The following S100PBP variants were observed in gnomAD, a reference collection of about 807,000 sequenced individuals.
S100PBP encodes S100P binding protein, also known as S100P-binding protein.
S100PBP carries 15 observed loss-of-function variants against 39.9 expected under a neutral mutation model. That is an observed-to-expected ratio of 0.38 (90% CI 0.25 to 0.58). The LOEUF (loss-of-function observed/expected upper bound fraction) is 0.58. Among genes scored for constraint, S100PBP ranks in the 20% least tolerant of loss-of-function variants. The pLI is 0.70. For missense variants in S100PBP, 504 were observed against 487.3 expected, an observed-to-expected ratio of 1.03 and a Z score of -0.32; for synonymous variants, 178 against 180.3, an observed-to-expected ratio of 0.99 and a Z score of 0.10.
intron 5 of S100PBP, among the ~76,000 whole-genome samples, chr1:32,841,893 T>C (rs564427769): frequency 9.7e-4 from 147 of 151,526 alleles, no homozygotes; most frequent in Non-Finnish European, 1.7e-3. Flanking sequence ...TTAAAATTTA[T>C]TCTGTATGTA....
At chr1:32,839,548 C>CA (rs1304843010) in intron 5 of S100PBP, among the ~76,000 whole-genome samples, 2 of 152,110 alleles carry the variant, frequency 1.3e-5, no homozygotes, top group Non-Finnish European at 2.9e-5. Context: ...TTATTTTTGA[C>CA]ATGGAGTCTA....
rs1329283249 is a variant in S100PBP, at chr1:32,857,574, G to A, written c.*1536G>A. ...GATCTGCCCACCTCGGCCTCCTAAA[G>A]TGCTGGGATTACAGGCATGAGCCAC... On this transcript the variant is annotated 3_prime_UTR_variant, in exon 7 of 7. Transcript: ENST00000373475. 6.6e-6 allele frequency: 1 copy of A among 152,282 alleles called. No homozygotes were observed. Among genetic ancestry groups the A allele is most frequent in the Non-Finnish European group, 1.5e-5 (1 of 68,144 alleles). The allele number at this position is 152,282 out of a possible 1,614,324, so 9.4% of individuals were successfully genotyped here. A position where few individuals can be genotyped will look rare whatever the true frequency, so the allele number is the denominator to read the frequency against.
At chr1:32,836,538 C>T in intron 5 of S100PBP, 1 of 981,616 alleles carries the variant, frequency 1.0e-6, no homozygotes, top group Non-Finnish European at 1.2e-6. Flanking sequence ...ACTGAAAAGC[C>T]AAGTAGTATA....
intron 5 of S100PBP, chr1:32,835,692 A>C (rs1281972223): frequency 6.6e-6 from 1 of 152,088 alleles, no homozygotes; most frequent in Non-Finnish European, 1.5e-5. Context: ...GTTTAGTATA[A>C]TGTCTTCAAG....
Position 32,826,121 on chromosome 1 carries a change from T to G in S100PBP, c.22T>G (p.Ser8Ala). ...AGAAATGATGTGCTCACGGGTGCCC[T>G]CTGAACAGTCTTCTGGTACCTCTCT... MMCSRVP[S>A]EQSSGTSLLP... The change falls in exon 3 of 7, where the codon TCT becomes GCT. Residue 8 changes from serine (S) to alanine (A), a missense_variant. Coordinates refer to ENST00000373475, the MANE Select transcript of S100PBP (RefSeq NM_022753.4). 6.2e-7 allele frequency: 1 copy of G among 1,613,224 alleles called. No individual in the cohort carries two copies. Among genetic ancestry groups the G allele is most frequent in the East Asian group, 2.2e-5 (1 of 44,888 alleles).
intron 1 of S100PBP, among the ~76,000 whole-genome samples, chr1:32,823,411 C>G (rs1302753618): frequency 6.6e-6 from 1 of 152,282 alleles, no homozygotes; most frequent in African/African-American, 2.4e-5. Flanking sequence ...GCTTCAACAC[C>G]TAGAACTCTC....
At chr1:32,817,586 C>T, upstream of S100PBP, 1 of 473,280 alleles carries the variant, frequency 2.1e-6, no homozygotes, top group Non-Finnish European at 3.9e-6. Context: ...TGGTGTTGGC[C>T]CGGCTGACTC....
At chr1:32,850,756 A>G (rs1264745260) in intron 5 of S100PBP, among the ~76,000 whole-genome samples, 2 of 152,222 alleles carry the variant, frequency 1.3e-5, no homozygotes, top group African/African-American at 2.4e-5. Flanking sequence ...TGCTTTTTTA[A>G]CAGTAGAGAA....
chr1:32,826,614 A>G lies in S100PBP; in HGVS notation c.515A>G (p.Glu172Gly). The change falls in exon 3 of 7, where the codon GAA (glutamate) becomes GGA (glycine). Residue 172 changes from glutamate (E) to glycine (G), a missense_variant. Physicochemically the swap from Glu to Gly is moderately conservative, Grantham distance 98. Coordinates refer to ENST00000373475, the MANE Select transcript of S100PBP (RefSeq NM_022753.4). ...GAGACTGATTCGTCCAAAGATACTG[A>G]AAAACTCTCTTCCCTTGGAGAAGAG... ...KDETDSSKDTEKLSSLGEEMR... is the reference protein window; with the variant it reads ...KDETDSSKDTGKLSSLGEEMR... The G allele has an allele frequency of 6.2e-7, 1 of 1,614,062 alleles. No individual in the cohort carries two copies. Among genetic ancestry groups the G allele is most frequent in the Admixed American group, 1.7e-5 (1 of 60,022 alleles).
At chr1:32,829,831 C>G in intron 4 of S100PBP, 133 bp from the exon 5 acceptor site, 1 of 643,306 alleles carries the variant, frequency 1.6e-6, no homozygotes, top group Non-Finnish European at 2.7e-6. Flanking sequence ...TCCTCTGCCT[C>G]TCGATCATAA....
Position 32,856,080 on chromosome 1 carries a change from C to G in S100PBP, c.*42C>G. 1 of 1,283,584 alleles carries G rather than the reference C, an allele frequency of 7.8e-7. No homozygotes were observed. The highest frequency in any genetic ancestry group is 1.1e-6 in the Non-Finnish European group (1 of 882,988). 79.5% of individuals were successfully genotyped at this position (1,283,584 alleles called of 1,614,324 possible). On this transcript the variant is annotated 3_prime_UTR_variant, in exon 7 of 7. Coordinates refer to ENST00000373475, the MANE Select transcript of S100PBP (RefSeq NM_022753.4). The stretch of plus-strand genomic sequence containing the variant: ...AGCAATGAAGGTCCCTATCCAGGGT[C>G]CTGCTTGGAGCAGCATTTCATGTTC...
chr1:32,836,443 T>TA, intron 5 of S100PBP: 1 of 727,652 alleles, frequency 1.4e-6, no homozygotes, highest in Non-Finnish European at 1.7e-6. Context: ...GTGTTTTTGT[T>TA]TTTGTTTGTT....
At chr1:32,832,428 A>G (rs1303779986) in intron 5 of S100PBP, among the ~76,000 whole-genome samples, 1 of 152,228 alleles carries the variant, frequency 6.6e-6, no homozygotes, top group Admixed American at 6.5e-5. Context: ...GACAATTTCC[A>G]TAATTAAAAA....
At chr1:32,838,819 G>T (rs1639961486) in intron 5 of S100PBP, among the ~76,000 whole-genome samples, 1 of 151,400 alleles carries the variant, frequency 6.6e-6, no homozygotes, top group South Asian at 2.1e-4. Flanking sequence ...CTTCAGCCTG[G>T]GTGACAAGAG....
At chr1:32,845,035 A>C (rs1037305562) in intron 5 of S100PBP, among the ~76,000 whole-genome samples, 1 of 135,662 alleles carries the variant, frequency 7.4e-6, no homozygotes, top group South Asian at 2.3e-4. Context: ...TATTTATTTA[A>C]TTTATTTTTG....
At position 32,828,028 on chromosome 1, in the gene S100PBP, A is replaced by G; in HGVS notation, c.867A>G (p.Lys289=). Residue 289 remains lysine, a synonymous_variant, in exon 4 of 7, where the codon AAA becomes AAG. Coordinates refer to ENST00000373475, the MANE Select transcript of S100PBP (RefSeq NM_022753.4). ...TTAACAAGGATTCTGGGAAGATGAAAGGCCATGAGAGAAGACTAGGCAAAG... is the reference window on the plus strand; with the variant it reads ...TTAACAAGGATTCTGGGAAGATGAAGGGCCATGAGAGAAGACTAGGCAAAG... ...DVLNKDSGKM[K]GHERRLGKVI... is the part of the protein sequence containing the mutation. 3.7e-6 allele frequency: 6 copies of G among 1,611,636 alleles called. No homozygotes were observed. The highest frequency in any genetic ancestry group is 5.1e-6 in the Non-Finnish European group (6 of 1,178,266).
chr1:32,826,688 T>C lies in S100PBP; in HGVS notation c.589T>C (p.Ser197Pro). ...SPNESKLCTE[S>P]EGISPNNSAW... ...AAATGAAAGCAAACTTTGTACTGAA[T>C]CTGAAGGGATCAGCCCCAATAACTC... Residue 197 changes from serine (S) to proline (P), a missense_variant, in exon 3 of 7, where the codon TCT becomes CCT. Ser to Pro is a moderately conservative substitution (Grantham distance 74). Transcript: ENST00000373475. The C allele has an allele frequency of 6.2e-7, 1 of 1,614,148 alleles. No individual in the cohort carries two copies. Among genetic ancestry groups the C allele is most frequent in the Non-Finnish European group, 8.5e-7 (1 of 1,180,004 alleles).
rs9500 is a variant in S100PBP at position 32,858,535 on chromosome 1, T to C, written c.*2497T>C. The stretch of plus-strand genomic sequence containing the variant: ...TCTCTTTTCAAAGCTGCATATCTCT[T>C]ATATTTGGTATTGGCCTCTAAGTCT... On this transcript the variant is annotated 3_prime_UTR_variant, in exon 7 of 7. Coordinates refer to ENST00000373475, the MANE Select transcript of S100PBP (RefSeq NM_022753.4). 101,991 of 152,302 alleles carry C rather than the reference T, an allele frequency of 0.67. 34,378 individuals carry two copies. The highest frequency in any genetic ancestry group is 0.79 in the East Asian group (4,075 of 5,180). 9.4% of individuals were successfully genotyped at this position (152,302 alleles called of 1,614,324 possible). A position where few individuals can be genotyped will look rare whatever the true frequency, so the allele number is the denominator to read the frequency against.
intron 5 of S100PBP, among the ~76,000 whole-genome samples, chr1:32,832,303 G>A (rs1488611767): frequency 2.0e-5 from 3 of 151,690 alleles, no homozygotes; most frequent in Admixed American, 6.6e-5. Flanking sequence ...GTAAAATAGC[G>A]TTATATCTAG....
Sources: gnomAD v4.1 joint callset for allele counts (sites outside exome capture counted in the v4.1 genomes callset) on GRCh38, gnomAD v4.1.1 for gene constraint, MANE v1.5 for transcripts, NCBI Gene and HGNC (gene_info 2026-07-23, HGNC 2026-07-21) for gene names.